Variants in CDH12 observed in about 807,000 individuals in gnomAD.
CDH12 encodes the protein cadherin 12.
A neutral mutation model predicts 74.1 loss-of-function variants in CDH12; 41 were observed. That is an observed-to-expected ratio of 0.55 (90% CI 0.43 to 0.72). CDH12 has a LOEUF of 0.72. CDH12 is among the 30% of genes least tolerant of loss of function. The pLI, the probability that CDH12 is intolerant of heterozygous loss-of-function variation, is 0.00. For missense variants in CDH12, 945 were observed against 977.2 expected (o/e 0.97, Z 0.44); for synonymous variants, 399 against 355.0 (o/e 1.12, Z -1.39).
intron 6 of CDH12, among the ~76,000 whole-genome samples, chr5:21,931,181 CA>C (rs1754819357): frequency 6.6e-6 from 1 of 151,700 alleles, no homozygotes. Flanking sequence ...TATTCCAGAG[CA>C]TATGATACAA....
intron 10 of CDH12, among the ~76,000 whole-genome samples, chr5:21,785,681 A>G (rs949728143): frequency 6.6e-6 from 1 of 152,202 alleles, no homozygotes; most frequent in Non-Finnish European, 1.5e-5. Context: ...TGTTCTATGA[A>G]GGTGGAGAGA....
intron 4 of CDH12, among the ~76,000 whole-genome samples, chr5:22,115,785 G>C (rs1388474805): frequency 7.0e-6 from 1 of 143,228 alleles, no homozygotes; most frequent in Non-Finnish European, 1.5e-5. Context: ...TCTGCCTCCC[G>C]GGTTCAAGCG....
intron 10 of CDH12, among the ~76,000 whole-genome samples, chr5:21,790,960 G>T (rs557706041): frequency 2.0e-5 from 3 of 152,018 alleles, no homozygotes; most frequent in South Asian, 4.2e-4. Flanking sequence ...ACTGTCATTC[G>T]CTACTTTCTG....
chr5:22,525,581 T>C (rs1737233972), intron 1 of CDH12, among the ~76,000 whole-genome samples: 1 of 152,074 alleles, frequency 6.6e-6, no homozygotes, highest in Non-Finnish European at 1.5e-5. Context: ...GATGTCCTAG[T>C]ATGACGAGAA....
intron 4 of CDH12, among the ~76,000 whole-genome samples, chr5:22,186,673 G>A (rs956216671): frequency 7.2e-5 from 11 of 152,216 alleles, no homozygotes; most frequent in East Asian, 3.9e-4. Flanking sequence ...TTTTCACCAC[G>A]TTGGCCAGTC....
chr5:22,015,823 T>A (rs188468356), intron 5 of CDH12, among the ~76,000 whole-genome samples: 2 of 152,338 alleles, frequency 1.3e-5, no homozygotes, highest in Admixed American at 1.3e-4. Flanking sequence ...TCATATTGAA[T>A]GTTCATAGAT....
rs1403665832 is a variant in CDH12 at position 22,331,024 on chromosome 5, C to T, written c.-333+74233G>A. The stretch of plus-strand genomic sequence containing the variant: ...TCAGCGGTAGCCTAGCAGAACTCCC[C>T]ATGGGTTGTTGTTGGTGGTGGCCAC... On this transcript the variant is annotated intron_variant, in intron 3 of 14. Transcript: ENST00000382254. 2.0e-5 allele frequency among the ~76,000 whole-genome samples: 3 copies of T among 152,058 alleles called. No homozygotes were observed. The East Asian group carries it at 5.8e-4, about 29-fold the overall frequency.
At chr5:22,751,311 T>A (rs1413490994) in intron 1 of CDH12, among the ~76,000 whole-genome samples, 1 of 140,168 alleles carries the variant, frequency 7.1e-6, no homozygotes, top group African/African-American at 2.6e-5. Context: ...AATAGAATTA[T>A]TAAACTGTGA....
chr5:22,083,371 A>G (rs1221970050), intron 4 of CDH12, among the ~76,000 whole-genome samples: 1 of 151,438 alleles, frequency 6.6e-6, no homozygotes, highest in Non-Finnish European at 1.5e-5. Flanking sequence ...GAGTGTACTC[A>G]TGTGATTATT....
intron 3 of CDH12, among the ~76,000 whole-genome samples, chr5:22,267,576 C>A (rs2150398005): frequency 6.6e-6 from 1 of 152,178 alleles, no homozygotes; most frequent in African/African-American, 2.4e-5. Flanking sequence ...GTATGTACTT[C>A]TGGAAAGTCC....
At chr5:22,266,397 C>A (rs933542746) in intron 3 of CDH12, among the ~76,000 whole-genome samples, 4 of 151,926 alleles carry the variant, frequency 2.6e-5, no homozygotes, top group Admixed American at 2.0e-4. Flanking sequence ...TTTAATTAAA[C>A]CATAATCTCT....
chr5:21,954,207 A>G (rs557750471), intron 6 of CDH12, among the ~76,000 whole-genome samples: 280 of 151,918 alleles, frequency 1.8e-3, no homozygotes, highest in African/African-American at 6.6e-3. Context: ...AATAAAATAT[A>G]TACTTAGCTA....
At chr5:22,117,509 TATA>T (rs1237237697) in intron 4 of CDH12, among the ~76,000 whole-genome samples, 8 of 51,424 alleles carry the variant, frequency 1.6e-4, no homozygotes, top group African/African-American at 7.4e-4. Flanking sequence ...ATAATATATA[TATA>T]ATATATATAT....
At chr5:22,602,800 G>T (rs1253732185) in intron 1 of CDH12, among the ~76,000 whole-genome samples, 1 of 152,026 alleles carries the variant, frequency 6.6e-6, no homozygotes, top group Non-Finnish European at 1.5e-5. Flanking sequence ...GTTCCTTTGG[G>T]ATTACAAAAA....
At chr5:22,171,525 A>G (rs936705193) in intron 4 of CDH12, among the ~76,000 whole-genome samples, 14 of 152,030 alleles carry the variant, frequency 9.2e-5, no homozygotes, top group Admixed American at 2.6e-4. Flanking sequence ...GGCCTTCTAT[A>G]TGGTTTGTTA....
chr5:22,324,789 C>A (rs1358773834), intron 3 of CDH12, among the ~76,000 whole-genome samples: 1 of 151,994 alleles, frequency 6.6e-6, no homozygotes, highest in Non-Finnish European at 1.5e-5. Context: ...AAGAATAGAA[C>A]ACAGTAAGTT....
chr5:22,099,105 C>T (rs956123961), intron 4 of CDH12, among the ~76,000 whole-genome samples: 2 of 152,124 alleles, frequency 1.3e-5, no homozygotes, highest in Admixed American at 6.5e-5. Context: ...AACTAAAATA[C>T]CTCTTAGTCT....
intron 1 of CDH12, among the ~76,000 whole-genome samples, chr5:22,742,616 T>G: frequency 6.6e-6 from 1 of 152,112 alleles, no homozygotes; most frequent in East Asian, 1.9e-4. Context: ...CAGAATCAAC[T>G]AATCATAATA....
intron 4 of CDH12, among the ~76,000 whole-genome samples, chr5:22,160,827 C>T (rs1347562434): frequency 4.6e-5 from 7 of 152,164 alleles, no homozygotes; most frequent in African/African-American, 9.7e-5. Flanking sequence ...TCCTAAAAGA[C>T]CTTACCTCCA....
Sources: allele counts gnomAD v4.1 joint callset (sites outside exome capture counted in the v4.1 genomes callset), GRCh38; gene constraint gnomAD v4.1.1; transcripts MANE v1.5; gene names NCBI Gene and HGNC (gene_info 2026-07-23, HGNC 2026-07-21).